HHIPL1: variants seen among roughly 807,000 people sequenced by gnomAD.
HHIPL1 encodes HHIP like 1.
In HHIPL1, 43 loss-of-function variants were observed where a neutral mutation model predicts 61.8. The ratio of observed to expected loss-of-function variants is 0.70; its 90% confidence interval spans 0.55 to 0.90. The LOEUF is 0.90. Ranked by LOEUF, HHIPL1 falls within the 40% of genes least tolerant of loss-of-function variation. HHIPL1 has a pLI of 0.00. For missense variants in HHIPL1, 1,056 were observed against 1,157.7 expected, an observed-to-expected ratio of 0.91 and a Z score of 1.28; for synonymous variants, 482 against 515.8, an observed-to-expected ratio of 0.93 and a Z score of 0.89.
the HHIPL1 span, among the ~76,000 whole-genome samples, chr14:99,607,364 A>G: frequency 2.0e-5 from 3 of 152,084 alleles, no homozygotes; most frequent in African/African-American, 7.2e-5. Flanking sequence ...GTGAAACCAA[A>G]TCATGGTGCA....
At chr14:99,646,798 ATATGATATGATATG>A (rs1566804699) in intron 1 of HHIPL1, among the ~76,000 whole-genome samples, 18 of 91,102 alleles carry the variant, frequency 2.0e-4, no homozygotes, top group Non-Finnish European at 3.3e-4. Flanking sequence ...ATATAATATG[ATATGATATGATATG>A]ATATGATATG....
At chr14:99,659,300 C>A in intron 3 of HHIPL1, 128 bp from the exon 4 acceptor site, 2 of 665,150 alleles carry the variant, frequency 3.0e-6, no homozygotes, top group Non-Finnish European at 4.6e-6. Flanking sequence ...GGGTCTCTGG[C>A]CCCACAGCCT....
Position 99,662,858 on chromosome 14 carries a change from G to T in HHIPL1, c.1503-18G>T. 1 of 1,570,486 alleles carries T rather than the reference G, an allele frequency of 6.4e-7. No homozygotes were observed. Among genetic ancestry groups the T allele is most frequent in the Non-Finnish European group, 8.6e-7 (1 of 1,160,440 alleles). Reference sequence around the variant, plus strand: ...GTGCCATGCCAGGCATGGCCTCACAGCTCATCTTCCTTTGCAGGCGTCTGA... The same window carrying T: ...GTGCCATGCCAGGCATGGCCTCACATCTCATCTTCCTTTGCAGGCGTCTGA... On this transcript the variant is annotated intron_variant, in intron 5 of 8. Coordinates refer to ENST00000330710, the MANE Select transcript of HHIPL1 (RefSeq NM_001127258.3).
rs764812558 is a variant in HHIPL1 at position 99,652,588 on chromosome 14, A to C, written c.620A>C (p.His207Pro). 2.6e-5 allele frequency: 42 copies of C among 1,613,098 alleles called. No homozygotes were observed. The highest frequency in any genetic ancestry group is 3.6e-5 in the Non-Finnish European group (42 of 1,179,842). The change falls in exon 2 of 9, where the codon CAC becomes CCC. Residue 207 changes from histidine (H) to proline (P), a missense_variant. Physicochemically the swap from His to Pro is moderately conservative, Grantham distance 77. Coordinates refer to ENST00000330710, the MANE Select transcript of HHIPL1 (RefSeq NM_001127258.3). ...ATGGTCCATGCCAGGGATGGCACCCACCGCTTCTTCGTGGCCGAGCAGGTG... is the reference window on the plus strand; with the variant it reads ...ATGGTCCATGCCAGGGATGGCACCCCCCGCTTCTTCGTGGCCGAGCAGGTG... ...VAMVHARDGT[H>P]RFFVAEQVGL...
At chr14:99,674,700 A>G (rs1255612222) in intron 8 of HHIPL1, among the ~76,000 whole-genome samples, 2 of 152,154 alleles carry the variant, frequency 1.3e-5, no homozygotes, top group African/African-American at 4.8e-5. Context: ...GCCTTCCCAG[A>G]CACTCCTTCC....
rs987916576 is a variant in HHIPL1 at position 99,668,529 on chromosome 14, G to A, written c.1730+226G>A. ...ACGCCTCAAAGCACAGGTCTATTAGGATAGGAGGGAGCTGGAGAGGTGACT... is the reference window on the plus strand; with the variant it reads ...ACGCCTCAAAGCACAGGTCTATTAGAATAGGAGGGAGCTGGAGAGGTGACT... On this transcript the variant is annotated intron_variant, in intron 7 of 8. Coordinates refer to ENST00000330710, the MANE Select transcript of HHIPL1 (RefSeq NM_001127258.3). This position sits in a 1 kb window ranked among gnomAD's most constrained non-coding sequence, Gnocchi z 4.7. 2.0e-5 allele frequency among the ~76,000 whole-genome samples: 3 copies of A among 152,166 alleles called. No homozygotes were observed. The South Asian group carries it at 6.2e-4, about 32-fold the overall frequency.
chr14:99,656,783 AAAG>A (rs200273224), intron 2 of HHIPL1, among the ~76,000 whole-genome samples: 52 of 4,018 alleles, frequency 0.013, 12 homozygotes, highest in Non-Finnish European at 0.075. Flanking sequence ...TGCAAAAAGA[AAAG>A]AAAAGAAAGA....
At position 99,660,464 on chromosome 14, in the gene HHIPL1, C is replaced by T; in HGVS notation, c.1502+58C>T. On this transcript the variant is annotated intron_variant, in intron 5 of 8. Coordinates refer to ENST00000330710, the MANE Select transcript of HHIPL1 (RefSeq NM_001127258.3). The surrounding 1 kb of genome is among the most constrained non-coding windows in gnomAD (Gnocchi z 4.9). ...GCTGCCACTGGCTCCTTGGGACTGG[C>T]TCCTTGGTAAAGGGGAGTGTATGTG... The T allele has an allele frequency of 1.9e-6, 3 of 1,571,192 alleles. No homozygotes were observed. The highest frequency in any genetic ancestry group is 2.6e-6 in the Non-Finnish European group (3 of 1,153,124).
chr14:99,629,795 G>T, the HHIPL1 span, among the ~76,000 whole-genome samples: 3 of 152,180 alleles, frequency 2.0e-5, no homozygotes, highest in African/African-American at 7.2e-5. Flanking sequence ...AAGCCACCGC[G>T]CCCAGCCCTT....
At chr14:99,627,326 A>G in the HHIPL1 span, among the ~76,000 whole-genome samples, 5 of 150,432 alleles carry the variant, frequency 3.3e-5, no homozygotes, top group East Asian at 7.8e-4. This position sits in a 1 kb window ranked among gnomAD's most constrained non-coding sequence, Gnocchi z 4.4. Flanking sequence ...CCATCTATCC[A>G]TCCATCTGCC....
chr14:99,665,401 G>T (rs1233521180), intron 6 of HHIPL1, among the ~76,000 whole-genome samples: 1 of 152,078 alleles, frequency 6.6e-6, no homozygotes. Context: ...CTGGAATGGG[G>T]GTCTTATGAC....
the HHIPL1 span, among the ~76,000 whole-genome samples, chr14:99,622,125 T>C: frequency 3.3e-5 from 5 of 152,222 alleles, no homozygotes; most frequent in Non-Finnish European, 7.3e-5. Context: ...CTATTCTTGT[T>C]CTCCCTGTTC....
In HHIPL1 at chr14:99,675,173, C is replaced by A. The variant is rs1171119231; in HGVS notation, c.1896C>A (p.Ala632=). The A allele has an allele frequency of 2.7e-6, 3 of 1,116,796 alleles. No individual in the cohort carries two copies. The highest frequency in any genetic ancestry group is 4.2e-5 in the South Asian group (1 of 23,566). 69.2% of individuals were successfully genotyped at this position (1,116,796 alleles called of 1,614,324 possible). The stretch of plus-strand genomic sequence containing the variant: ...CGCCCCGCCGAGGGCGCCCCACGGC[C>A]GCTCCCCCCGCGCCAACCCCGCGGC... The part of the protein sequence containing the change: ...TRAPRRGRPT[A]APPAPTPRPA... The change falls in exon 9 of 9, where the codon GCC becomes GCA. Residue 632 remains alanine (A), a synonymous_variant. Coordinates refer to ENST00000330710, the MANE Select transcript of HHIPL1 (RefSeq NM_001127258.3). The surrounding 1 kb of genome is among the most constrained non-coding windows in gnomAD (Gnocchi z 5.4).
At chr14:99,620,264 C>T in the HHIPL1 span, among the ~76,000 whole-genome samples, 95 of 152,356 alleles carry the variant, frequency 6.2e-4, no homozygotes, top group African/African-American at 2.2e-3. Flanking sequence ...TGGGAGAGGG[C>T]AGAAAGGAGG....
the HHIPL1 span, among the ~76,000 whole-genome samples, chr14:99,638,145 C>T: frequency 6.6e-6 from 1 of 152,198 alleles, no homozygotes; most frequent in South Asian, 2.1e-4. Flanking sequence ...TGGCCCCTTG[C>T]CTGGCCATGA....
chr14:99,621,698 T>C, the HHIPL1 span, among the ~76,000 whole-genome samples: 3 of 114,128 alleles, frequency 2.6e-5, no homozygotes, highest in South Asian at 6.3e-4. Context: ...TCCCTTTTTT[T>C]CTTTTCTTTT....
intron 8 of HHIPL1, among the ~76,000 whole-genome samples, chr14:99,673,045 C>G (rs537016586): frequency 2.2e-4 from 34 of 152,330 alleles, no homozygotes; most frequent in South Asian, 1.9e-3. Flanking sequence ...TACAACCTCC[C>G]AATTCAAAGT....
chr14:99,670,553 C>CT lies in HHIPL1; in HGVS notation c.1731-1754dup, dbSNP rs113346048. ...CTTCTCACTTTCCTTGTTTACCAGA[C>CT]TTTTTTTTTTCTTGTTTAAGAGCAC... On this transcript the variant is annotated intron_variant, in intron 7 of 8. Transcript: ENST00000330710. Among the ~76,000 whole-genome samples the CT allele has an allele frequency of 5.0e-3, 757 of 150,298 alleles. 7 individuals carry two copies. The highest frequency in any genetic ancestry group is 0.018 in the African/African-American group (727 of 41,028).
At chr14:99,640,819 T>C (rs1257002280), upstream of HHIPL1, among the ~76,000 whole-genome samples, 1 of 151,798 alleles carries the variant, frequency 6.6e-6, no homozygotes, top group African/African-American at 2.4e-5. Context: ...ATCCAGTACG[T>C]TGAATTTCTG....
Sources: gnomAD v4.1 joint callset for allele counts (sites outside exome capture counted in the v4.1 genomes callset) on GRCh38, gnomAD v4.1.1 for gene constraint, Gnocchi (gnomAD v3.1) non-coding constraint, MANE v1.5 for transcripts, NCBI Gene and HGNC (gene_info 2026-07-23, HGNC 2026-07-21) for gene names.